PDE1A: variants seen among roughly 807,000 people sequenced by gnomAD.
PDE1A encodes dual specificity calcium/calmodulin-dependent 3',5'-cyclic nucleotide phosphodiesterase 1A.
PDE1A carries 35 observed loss-of-function variants against 61.7 expected under a neutral mutation model. The observed-to-expected ratio is 0.57, with a 90% confidence interval of 0.43 to 0.75. The LOEUF is 0.75. Ranked by LOEUF, PDE1A falls within the 30% of genes least tolerant of loss-of-function variation. The pLI is 0.00. For missense variants in PDE1A, 597 were observed against 630.6 expected (o/e 0.95, Z 0.57); for synonymous variants, 232 against 213.2 (o/e 1.09, Z -0.77).
At chr2:182,553,520 A>G in the PDE1A span, among the ~76,000 whole-genome samples, 2 of 152,206 alleles carry the variant, frequency 1.3e-5, no homozygotes, top group Non-Finnish European at 2.9e-5. Flanking sequence ...ATGAACCACC[A>G]TGCCTGGCAT....
chr2:182,449,555 A>T lies in PDE1A; in HGVS notation c.101+72721T>A, dbSNP rs150577924. Among the ~76,000 whole-genome samples, 94 of 152,200 alleles carry T rather than the reference A, an allele frequency of 6.2e-4. 1 individual carries two copies. The highest frequency in any genetic ancestry group is 2.3e-3 in the South Asian group (11 of 4,828). On this transcript the variant is annotated intron_variant, in intron 2 of 14. Transcript: ENST00000410103. ...ATTGTCAACAACATTTCAAGTTGAA[A>T]GGAGAAAGTATCTTTGTCTGATTTT...
chr2:182,583,580 ATTC>A, the PDE1A span, among the ~76,000 whole-genome samples: 1 of 152,104 alleles, frequency 6.6e-6, no homozygotes, highest in Non-Finnish European at 1.5e-5. Context: ...GCAATCTATG[ATTC>A]TCCTCACCCC....
intron 2 of PDE1A, among the ~76,000 whole-genome samples, chr2:182,504,054 T>G (rs1039521930): frequency 6.6e-5 from 10 of 152,260 alleles, no homozygotes; most frequent in Admixed American, 1.3e-4. Context: ...ACTTTTTTTC[T>G]GAATGACACT....
intron 2 of PDE1A, among the ~76,000 whole-genome samples, chr2:182,457,898 AT>A (rs746860485): frequency 4.6e-5 from 7 of 152,074 alleles, no homozygotes; most frequent in Non-Finnish European, 1.0e-4. Context: ...AGCATTAACA[AT>A]TCATTAGATT....
At chr2:182,265,907 G>A (rs1692602798) in intron 1 of PDE1A, among the ~76,000 whole-genome samples, 1 of 152,080 alleles carries the variant, frequency 6.6e-6, no homozygotes, top group East Asian at 1.9e-4. Flanking sequence ...GCTACTTTTA[G>A]GCACTCCCTT....
At chr2:182,580,418 G>A in the PDE1A span, among the ~76,000 whole-genome samples, 2 of 152,152 alleles carry the variant, frequency 1.3e-5, no homozygotes, top group South Asian at 2.1e-4. Context: ...TGCTGTGCCC[G>A]TCTGTGTCCA....
chr2:182,599,201 T>C, the PDE1A span, among the ~76,000 whole-genome samples: 2 of 152,122 alleles, frequency 1.3e-5, no homozygotes, highest in Non-Finnish European at 2.9e-5. Context: ...ACTGCCTGGC[T>C]TTTCCCTGCT....
At chr2:182,409,995 T>G (rs1702518181) in intron 1 of PDE1A, among the ~76,000 whole-genome samples, 1 of 152,136 alleles carries the variant, frequency 6.6e-6, no homozygotes, top group South Asian at 2.1e-4. Context: ...TTTTTGGAAA[T>G]AAACGTACAA....
At chr2:182,602,521 C>T in the PDE1A span, among the ~76,000 whole-genome samples, 11 of 152,334 alleles carry the variant, frequency 7.2e-5, no homozygotes, top group South Asian at 4.1e-4. Flanking sequence ...ATAAAATGAT[C>T]GTTAGCTTAA....
intron 10 of PDE1A, among the ~76,000 whole-genome samples, chr2:182,199,260 A>G (rs1431760673): frequency 6.6e-6 from 1 of 151,892 alleles, no homozygotes; most frequent in Admixed American, 6.6e-5. Flanking sequence ...TCGGAGAGCC[A>G]ACTGTTATCT....
At chr2:182,675,425 A>T in the PDE1A span, among the ~76,000 whole-genome samples, 1 of 152,084 alleles carries the variant, frequency 6.6e-6, no homozygotes, top group Non-Finnish European at 1.5e-5. Context: ...TATTCACATG[A>T]ATGTGTCTTA....
chr2:182,401,109 T>C (rs931905962), intron 1 of PDE1A, among the ~76,000 whole-genome samples: 2 of 152,154 alleles, frequency 1.3e-5, no homozygotes, highest in Non-Finnish European at 2.9e-5. Flanking sequence ...GAGGAGCTAG[T>C]ACCATTCCTT....
At chr2:182,696,108 T>C in the PDE1A span, among the ~76,000 whole-genome samples, 1 of 152,336 alleles carries the variant, frequency 6.6e-6, no homozygotes, top group African/African-American at 2.4e-5. Context: ...ATTGCACTCC[T>C]TGGTATTTAC....
At chr2:182,387,491 C>T (rs534551971) in intron 1 of PDE1A, among the ~76,000 whole-genome samples, 5 of 151,802 alleles carry the variant, frequency 3.3e-5, no homozygotes, top group Non-Finnish European at 7.4e-5. Context: ...GGTGTGGTGG[C>T]TCACGCCTGT....
intron 1 of PDE1A, among the ~76,000 whole-genome samples, chr2:182,307,720 A>T (rs1695682328): frequency 6.6e-6 from 1 of 152,144 alleles, no homozygotes; most frequent in Non-Finnish European, 1.5e-5. Context: ...CCAAAAAAAA[A>T]TGCTTTGCTG....
chr2:182,371,540 T>C (rs527692386), intron 1 of PDE1A, among the ~76,000 whole-genome samples: 19 of 152,294 alleles, frequency 1.2e-4, no homozygotes, highest in East Asian at 5.8e-4. Context: ...GGCAGAAGAA[T>C]TGACACATTT....
At chr2:182,624,235 G>C in the PDE1A span, among the ~76,000 whole-genome samples, 1 of 151,618 alleles carries the variant, frequency 6.6e-6, no homozygotes, top group South Asian at 2.1e-4. Flanking sequence ...ATTTAACTTT[G>C]TGTCTCCTGA....
At chr2:182,291,138 C>G (rs1182442448) in intron 1 of PDE1A, among the ~76,000 whole-genome samples, 1 of 152,060 alleles carries the variant, frequency 6.6e-6, no homozygotes, top group Admixed American at 6.6e-5. Flanking sequence ...GTAATTCAGT[C>G]TACTAACTGG....
chr2:182,577,287 T>C, the PDE1A span, among the ~76,000 whole-genome samples: 6 of 152,210 alleles, frequency 3.9e-5, no homozygotes, highest in Non-Finnish European at 8.8e-5. Flanking sequence ...CATGCTGCAG[T>C]ACTAATTTAA....
Sources: allele counts gnomAD v4.1 joint callset (sites outside exome capture counted in the v4.1 genomes callset), GRCh38; gene constraint gnomAD v4.1.1; transcripts MANE v1.5; gene names NCBI Gene and HGNC (gene_info 2026-07-23, HGNC 2026-07-21).